The following OLA1 variants were observed in gnomAD, a reference collection of about 807,000 sequenced individuals.
OLA1 encodes the protein obg-like ATPase 1.
In OLA1, 14 loss-of-function variants were observed where a neutral mutation model predicts 48.4. The observed-to-expected ratio is 0.29, with a 90% CI of 0.19 to 0.45. The LOEUF (loss-of-function observed/expected upper bound fraction) is 0.45. Among genes scored for constraint, OLA1 ranks in the 20% least tolerant of loss-of-function variants. The probability of loss-of-function intolerance (pLI) is 1.00; values close to 1 mark genes in which losing one functional copy is unlikely to be tolerated. For synonymous variants in OLA1, 127 were observed against 150.4 expected, an observed-to-expected ratio of 0.84 and a Z score of 1.14; for missense variants, 325 against 467.1, an observed-to-expected ratio of 0.70 and a Z score of 2.80.
chr2:174,135,139 G>A lies in OLA1; in HGVS notation c.549+6686C>T, dbSNP rs1018724367. On this transcript the variant is annotated intron_variant, in intron 5 of 10. Transcript: ENST00000284719. ...CGTGCCACTGCACTCCAGCCTGGGCGACAGAGCAAGACTCCGCCTCCAAAA... is the reference window on the plus strand; with the variant it reads ...CGTGCCACTGCACTCCAGCCTGGGCAACAGAGCAAGACTCCGCCTCCAAAA... 1.0e-4 allele frequency among the ~76,000 whole-genome samples: 13 copies of A among 129,648 alleles called. No individual in the cohort carries two copies. In the South Asian group the frequency reaches 1.8e-3, roughly 17 times the overall value. The allele number at this position is 129,648 out of a possible 152,430, so 85.1% of individuals were successfully genotyped here.
chr2:174,102,083 G>A (rs2105353226), intron 7 of OLA1, among the ~76,000 whole-genome samples: 1 of 152,226 alleles, frequency 6.6e-6, no homozygotes, highest in East Asian at 1.9e-4. Context: ...GGGCAAAGAG[G>A]AGAAACTAAG....
At chr2:174,225,061 G>A (rs1418869160) in intron 3 of OLA1, among the ~76,000 whole-genome samples, 1 of 152,170 alleles carries the variant, frequency 6.6e-6, no homozygotes, top group African/African-American at 2.4e-5. Flanking sequence ...GGGCCTGGTG[G>A]GAGGCGTTTG....
In OLA1 at chr2:174,074,425, T is replaced by C. The variant is rs1243893787; in HGVS notation, c.*1001A>G. 6.6e-6 allele frequency: 1 copy of C among 152,258 alleles called. No homozygotes were observed. Among genetic ancestry groups the C allele is most frequent in the East Asian group, 1.9e-4 (1 of 5,176 alleles). 9.4% of individuals were successfully genotyped at this position (152,258 alleles called of 1,614,324 possible). Reference sequence around the variant, plus strand: ...TCTTTTGGAATTTTCTGCTACAATGTTAAGAAGTGCTTAACTTACCCATAC... The same window carrying C: ...TCTTTTGGAATTTTCTGCTACAATGCTAAGAAGTGCTTAACTTACCCATAC... On this transcript the variant is annotated 3_prime_UTR_variant, in exon 11 of 11. Coordinates refer to ENST00000284719, the MANE Select transcript of OLA1 (RefSeq NM_013341.5).
chr2:174,075,261 G>T lies in OLA1; in HGVS notation c.*165C>A, dbSNP rs1193285882. 7 of 516,750 alleles carry T rather than the reference G, an allele frequency of 1.4e-5. No individual in the cohort carries two copies. The highest frequency in any genetic ancestry group is 5.3e-4 in the Middle Eastern group (1 of 1,884). The allele number at this position is 516,750 out of a possible 1,614,324, so 32.0% of individuals were successfully genotyped here. On this transcript the variant is annotated 3_prime_UTR_variant, in exon 11 of 11. Coordinates refer to ENST00000284719, the MANE Select transcript of OLA1 (RefSeq NM_013341.5). Reference sequence around the variant, plus strand: ...AGTGAACCTGCATTTCATGGGGGGGGGGGGGTACACAGTATTTTAATTTTA... The same window carrying T: ...AGTGAACCTGCATTTCATGGGGGGGTGGGGGTACACAGTATTTTAATTTTA...
chr2:174,248,045 G>A, intron 1 of OLA1: 1 of 310,078 alleles, frequency 3.2e-6, no homozygotes, highest in Non-Finnish European at 6.1e-6. Flanking sequence ...CCGAGGGCCA[G>A]GAATTTCCCT....
intron 4 of OLA1, among the ~76,000 whole-genome samples, chr2:174,169,389 C>T (rs1687246116): frequency 6.6e-6 from 1 of 152,054 alleles, no homozygotes; most frequent in Admixed American, 6.5e-5. Context: ...CATACAATAG[C>T]AGAGGTATGA....
intron 4 of OLA1, among the ~76,000 whole-genome samples, chr2:174,197,797 A>C (rs970371992): frequency 2.0e-5 from 3 of 152,232 alleles, no homozygotes; most frequent in Non-Finnish European, 4.4e-5. Flanking sequence ...GGAATACCTC[A>C]AACCCACATT....
chr2:174,189,879 A>C (rs1398754320), intron 4 of OLA1, among the ~76,000 whole-genome samples: 13 of 34,270 alleles, frequency 3.8e-4, no homozygotes, highest in African/African-American at 1.8e-3. Flanking sequence ...AAAAAAAAAC[A>C]AAACACACAC....
chr2:174,096,781 T>C (rs1490863195), intron 7 of OLA1, among the ~76,000 whole-genome samples: 1 of 152,178 alleles, frequency 6.6e-6, no homozygotes, highest in East Asian at 1.9e-4. Context: ...CTGCTGTCAG[T>C]GAGTGGGTCA....
intron 8 of OLA1, 137 bp from the exon 9 acceptor site, chr2:174,081,385 G>A (rs12466894): frequency 1.6e-6 from 1 of 627,518 alleles, no homozygotes; most frequent in Non-Finnish European, 2.8e-6. Context: ...AGAATACACT[G>A]GAAGGGTTCA....
intron 3 of OLA1, among the ~76,000 whole-genome samples, chr2:174,223,840 T>C (rs1255015346): frequency 2.0e-5 from 3 of 148,828 alleles, no homozygotes; most frequent in African/African-American, 7.4e-5. Context: ...TAGCTGTTGA[T>C]AACAGCAACC....
In OLA1 at chr2:174,123,429, T is replaced by A. The variant is rs1685967038; in HGVS notation, c.631-152A>T. Reference sequence around the variant, plus strand: ...CCAAAAGATTAGTGGTTATGAAATATCATGAGTGGGGGAAAAGAAAAAAAT... The same window carrying A: ...CCAAAAGATTAGTGGTTATGAAATAACATGAGTGGGGGAAAAGAAAAAAAT... On this transcript the variant is annotated intron_variant, in intron 6 of 10. Transcript: ENST00000284719. The A allele has an allele frequency of 1.7e-5, 10 of 606,012 alleles. 1 individual carries two copies. The South Asian group carries it at 2.2e-4, about 13-fold the overall frequency. 37.5% of individuals were successfully genotyped at this position (606,012 alleles called of 1,614,324 possible).
At chr2:174,143,382 T>C (rs1686506191) in intron 4 of OLA1, among the ~76,000 whole-genome samples, 1 of 152,196 alleles carries the variant, frequency 6.6e-6, no homozygotes, top group South Asian at 2.1e-4. Context: ...AAGCACAATA[T>C]TATTTACTTC....
At chr2:174,237,459 T>G (rs575179932) in intron 2 of OLA1, among the ~76,000 whole-genome samples, 67 of 152,106 alleles carry the variant, frequency 4.4e-4, no homozygotes, top group Non-Finnish European at 7.9e-4. Flanking sequence ...CCATAAAAAT[T>G]ACAGTATAGG....
At chr2:174,093,516 G>A (rs1685174258) in intron 7 of OLA1, among the ~76,000 whole-genome samples, 1 of 149,926 alleles carries the variant, frequency 6.7e-6, no homozygotes, top group Non-Finnish European at 1.5e-5. Flanking sequence ...ATCAAACACC[G>A]CCACCACCAA....
At chr2:174,108,928 G>C (rs1473916535) in intron 7 of OLA1, among the ~76,000 whole-genome samples, 1 of 152,134 alleles carries the variant, frequency 6.6e-6, no homozygotes, top group Non-Finnish European at 1.5e-5. Flanking sequence ...ATGGTGGTTT[G>C]CATTTATTTT....
At chr2:174,186,482 A>T (rs75778851) in intron 4 of OLA1, among the ~76,000 whole-genome samples, 20,667 of 152,202 alleles carry the variant, frequency 0.14, 1,828 homozygotes, top group Non-Finnish European at 0.2. Context: ...TTTATTCAGC[A>T]TCCCCAAGAG....
chr2:174,191,388 T>C (rs1687774604), intron 4 of OLA1, among the ~76,000 whole-genome samples: 1 of 152,130 alleles, frequency 6.6e-6, no homozygotes, highest in South Asian at 2.1e-4. Context: ...AATGTCCCCT[T>C]TTATCTTTAC....
In OLA1 at chr2:174,123,417, G is replaced by A. The variant is rs189150650; in HGVS notation, c.631-140C>T. 1.5e-5 allele frequency: 9 copies of A among 598,438 alleles called. No homozygotes were observed. In the East Asian group the frequency reaches 2.8e-4, roughly 18 times the overall value. 37.1% of individuals were successfully genotyped at this position (598,438 alleles called of 1,614,324 possible). ...TAATTCTTCTTTCCAAAAGATTAGT[G>A]GTTATGAAATATCATGAGTGGGGGA... is the stretch of plus-strand genomic sequence containing the variant. On this transcript the variant is annotated intron_variant, in intron 6 of 10. Coordinates refer to ENST00000284719, the MANE Select transcript of OLA1 (RefSeq NM_013341.5).
Sources: allele counts gnomAD v4.1 joint callset (sites outside exome capture counted in the v4.1 genomes callset), GRCh38; gene constraint gnomAD v4.1.1; transcripts MANE v1.5; gene names NCBI Gene and HGNC (gene_info 2026-07-23, HGNC 2026-07-21).